The following CWC27 variants were observed in gnomAD, a reference collection of about 807,000 sequenced individuals.
CWC27 encodes CWC27 spliceosome associated cyclophilin.
Under a neutral mutation model 63.6 loss-of-function variants are expected in CWC27, and 47 were observed. The ratio of observed to expected loss-of-function variants is 0.74; its 90% confidence interval spans 0.58 to 0.94. The LOEUF is 0.94. CWC27 is among the 40% of genes least tolerant of loss of function. The pLI is 0.00. For synonymous variants in CWC27, 175 were observed against 179.8 expected (o/e 0.97, Z 0.22); for missense variants, 495 against 554.3 (o/e 0.89, Z 1.07).
In CWC27 at chr5:64,769,239, T is replaced by G. The variant is rs781748324; in HGVS notation, c.42+51T>G. On this transcript the variant is annotated intron_variant, in intron 1 of 13. Coordinates refer to ENST00000381070, the MANE Select transcript of CWC27 (RefSeq NM_005869.4). ...GGGTCCTGGGATCCCCAAAGTGAGA[T>G]TTCCCGGATTTGGGGTGGGGAGTGG... 10 of 1,561,274 alleles carry G rather than the reference T, an allele frequency of 6.4e-6. No homozygotes were observed. In the South Asian group the frequency reaches 1.0e-4, roughly 16 times the overall value.
chr5:64,777,825 A>G (rs932409900), intron 2 of CWC27, among the ~76,000 whole-genome samples: 4 of 152,172 alleles, frequency 2.6e-5, no homozygotes, highest in Admixed American at 6.5e-5. Context: ...GCATAGTTCA[A>G]TAGTGATTAC....
At chr5:64,877,598 G>T (rs892982914) in intron 10 of CWC27, among the ~76,000 whole-genome samples, 1 of 151,930 alleles carries the variant, frequency 6.6e-6, no homozygotes, top group Non-Finnish European at 1.5e-5. Context: ...TGCTTGAGGT[G>T]ATAGATACCC....
intron 2 of CWC27, among the ~76,000 whole-genome samples, chr5:64,776,831 A>T (rs1743473563): frequency 6.6e-6 from 1 of 152,130 alleles, no homozygotes; most frequent in South Asian, 2.1e-4. Flanking sequence ...AACAAGTAAG[A>T]GCGCAGTCTC....
At chr5:64,846,404 G>T (rs1357475772) in intron 10 of CWC27, among the ~76,000 whole-genome samples, 1 of 152,156 alleles carries the variant, frequency 6.6e-6, no homozygotes, top group African/African-American at 2.4e-5. Context: ...TGTTGAGGGG[G>T]TATGAAAAAG....
chr5:64,949,682 C>T (rs1561167771), intron 11 of CWC27, among the ~76,000 whole-genome samples: 1 of 152,020 alleles, frequency 6.6e-6, no homozygotes, highest in Non-Finnish European at 1.5e-5. Flanking sequence ...ATCCCATGTT[C>T]CATGAAGACT....
intron 11 of CWC27, among the ~76,000 whole-genome samples, chr5:64,961,163 C>A (rs1288433514): frequency 6.6e-6 from 1 of 152,172 alleles, no homozygotes; most frequent in East Asian, 1.9e-4. Context: ...CATGCAGGAA[C>A]AAATGTGCAG....
intron 11 of CWC27, among the ~76,000 whole-genome samples, chr5:64,964,823 CTT>C (rs1158490002): frequency 6.6e-6 from 1 of 152,146 alleles, no homozygotes; most frequent in African/African-American, 2.4e-5. Context: ...TTTCTCAACT[CTT>C]GTTAGTCCAC....
At chr5:64,910,888 C>T (rs192465131) in intron 11 of CWC27, among the ~76,000 whole-genome samples, 1 of 152,292 alleles carries the variant, frequency 6.6e-6, no homozygotes, top group Admixed American at 6.5e-5. Flanking sequence ...AAAGGAAATC[C>T]CCCTACCCTT....
At chr5:64,779,271 C>T (rs1366757114) in intron 2 of CWC27, among the ~76,000 whole-genome samples, 2 of 152,192 alleles carry the variant, frequency 1.3e-5, no homozygotes, top group Non-Finnish European at 2.9e-5. Context: ...CTTTTTCCAT[C>T]TTTCTGCTTT....
chr5:64,833,778 T>A (rs1009309710), intron 10 of CWC27, among the ~76,000 whole-genome samples: 26 of 151,704 alleles, frequency 1.7e-4, no homozygotes, highest in African/African-American at 6.0e-4. Flanking sequence ...AGTGTCTGAA[T>A]ATAATCAAAA....
intron 11 of CWC27, among the ~76,000 whole-genome samples, chr5:64,942,808 G>A (rs557162683): frequency 5.3e-5 from 8 of 152,210 alleles, no homozygotes; most frequent in East Asian, 1.9e-4. Flanking sequence ...GCTTTACTCC[G>A]GACTTTAGAC....
chr5:64,965,890 A>T (rs142782250), intron 11 of CWC27, among the ~76,000 whole-genome samples: 1 of 152,330 alleles, frequency 6.6e-6, no homozygotes, highest in Non-Finnish European at 1.5e-5. Context: ...CATTAAGAAG[A>T]ATGACTAATG....
chr5:64,985,598 TG>T (rs1194914216), intron 13 of CWC27, among the ~76,000 whole-genome samples: 3 of 152,238 alleles, frequency 2.0e-5, no homozygotes, highest in African/African-American at 7.2e-5. Context: ...GATTGGTTTT[TG>T]TTTGTTGGCC....
intron 6 of CWC27, among the ~76,000 whole-genome samples, chr5:64,787,016 G>A (rs1373766280): frequency 6.6e-6 from 1 of 152,164 alleles, no homozygotes; most frequent in African/African-American, 2.4e-5. Context: ...GCAGGGGAGA[G>A]AGCGAGTGGG....
In CWC27 at chr5:64,988,031, C is replaced by A. The variant is rs112804137; in HGVS notation, c.1256+10793C>A. ...TTATTTTATCCTCAACACATTCCTT[C>A]TTCTCTATTCTAGGACTCTAGTGAC... is the stretch of plus-strand genomic sequence containing the variant. On this transcript the variant is annotated intron_variant, in intron 13 of 13. Coordinates refer to ENST00000381070, the MANE Select transcript of CWC27 (RefSeq NM_005869.4). 1.3e-3 allele frequency among the ~76,000 whole-genome samples: 199 copies of A among 152,194 alleles called. 1 individual carries two copies. The highest frequency in any genetic ancestry group is 4.5e-3 in the African/African-American group (185 of 41,516).
chr5:64,935,789 T>C (rs548138235), intron 11 of CWC27, among the ~76,000 whole-genome samples: 1 of 152,356 alleles, frequency 6.6e-6, no homozygotes, highest in African/African-American at 2.4e-5. Context: ...CAGTGGCTTA[T>C]AGTCCTCCTT....
chr5:64,957,516 GAAC>G (rs1251844195), intron 11 of CWC27, among the ~76,000 whole-genome samples: 1 of 152,066 alleles, frequency 6.6e-6, no homozygotes, highest in Non-Finnish European at 1.5e-5. Context: ...ATTTAAACAG[GAAC>G]AACAAACTAC....
At chr5:64,810,879 C>T (rs865963186) in intron 10 of CWC27, among the ~76,000 whole-genome samples, 3 of 152,170 alleles carry the variant, frequency 2.0e-5, no homozygotes, top group Middle Eastern at 6.8e-3. Flanking sequence ...AGACATTTAT[C>T]TCAGCTGCAC....
At chr5:64,859,871 C>G (rs16893193) in intron 10 of CWC27, among the ~76,000 whole-genome samples, 25,249 of 152,048 alleles carry the variant, frequency 0.17, 2,497 homozygotes, top group East Asian at 0.34. Context: ...TTCCAGAGAA[C>G]ATGAAAGTTT....
Sources: gnomAD v4.1 joint callset for allele counts (sites outside exome capture counted in the v4.1 genomes callset) on GRCh38, gnomAD v4.1.1 for gene constraint, MANE v1.5 for transcripts, NCBI Gene and HGNC (gene_info 2026-07-23, HGNC 2026-07-21) for gene names.